Variants in DPYD observed in about 807,000 individuals in gnomAD.
DPYD encodes dihydropyrimidine dehydrogenase, also known as dihydropyrimidine dehydrogenase [NADP(+)].
DPYD carries 109 observed loss-of-function variants against 116.2 expected under a neutral mutation model. The observed-to-expected ratio is 0.94, with a 90% CI of 0.80 to 1.10. The LOEUF is 1.10. DPYD is among the 50% of genes least tolerant of loss of function. The pLI is 0.00. For synonymous variants in DPYD, 440 were observed against 432.0 expected, an observed-to-expected ratio of 1.02 and a Z score of -0.23; for missense variants, 1,302 against 1,254.5, an observed-to-expected ratio of 1.04 and a Z score of -0.57.
chr1:97,482,217 G>GT, intron 13 of DPYD, among the ~76,000 whole-genome samples: 1 of 152,160 alleles, frequency 6.6e-6, no homozygotes, highest in Non-Finnish European at 1.5e-5. Context: ...TATTTAATAT[G>GT]TGGATGTATC....
intron 3 of DPYD, among the ~76,000 whole-genome samples, chr1:97,814,948 A>AG (rs1668515342): frequency 6.6e-6 from 1 of 150,658 alleles, no homozygotes; most frequent in African/African-American, 2.4e-5. Flanking sequence ...AAAGAAAGAA[A>AG]GAAAGAAAGG....
intron 21 of DPYD, among the ~76,000 whole-genome samples, chr1:97,089,535 T>C (rs1372729010): frequency 6.6e-6 from 1 of 152,184 alleles, no homozygotes; most frequent in Non-Finnish European, 1.5e-5. Flanking sequence ...ATCTTTATAC[T>C]CATTGCAGGA....
intron 20 of DPYD, among the ~76,000 whole-genome samples, chr1:97,122,049 T>C (rs1233177906): frequency 2.6e-5 from 4 of 152,098 alleles, no homozygotes; most frequent in Non-Finnish European, 4.4e-5. Context: ...AGGATGGAAA[T>C]GTTTTCAGTA....
At chr1:97,274,352 A>T (rs11165827) in intron 18 of DPYD, among the ~76,000 whole-genome samples, 48,401 of 151,776 alleles carry the variant, frequency 0.32, 8,162 homozygotes, top group Non-Finnish European at 0.37. Flanking sequence ...TTCACACCTG[A>T]GCCGCTTGTT....
rs769306962 is a variant in DPYD, at chr1:97,573,886, C to T, written c.1213G>A (p.Ala405Thr). The change falls in exon 11 of 23, where the codon GCT (alanine) becomes ACT (threonine). Residue 405 changes from alanine to threonine, a missense_variant. By Grantham distance (58) the Ala-to-Thr change is moderately conservative (BLOSUM62 0). Transcript: ENST00000370192. ...TGCTCTGTCCGAACAAACTGCATAGCAACAATTCTCCCACCTTTTACTATA... is the reference window on the plus strand; with the variant it reads ...TGCTCTGTCCGAACAAACTGCATAGTAACAATTCTCCCACCTTTTACTATA... ...KVIVKGGRIV[A>T]MQFVRTEQDE... 3.1e-6 allele frequency: 5 copies of T among 1,613,588 alleles called. No homozygotes were observed. In the African/African-American group the frequency reaches 4.0e-5, roughly 13 times the overall value.
chr1:97,696,060 G>A (rs1661285597), intron 6 of DPYD, among the ~76,000 whole-genome samples: 1 of 151,658 alleles, frequency 6.6e-6, no homozygotes, highest in African/African-American at 2.4e-5. Context: ...AATCCCGGAG[G>A]TGGAGGTTGC....
At chr1:97,681,848 G>A (rs946908530) in intron 7 of DPYD, among the ~76,000 whole-genome samples, 23 of 152,120 alleles carry the variant, frequency 1.5e-4, no homozygotes, top group African/African-American at 5.1e-4. Context: ...AACTGAGTAA[G>A]TATGCCATTT....
intron 8 of DPYD, among the ~76,000 whole-genome samples, chr1:97,630,748 G>T (rs1657209999): frequency 6.6e-6 from 1 of 152,114 alleles, no homozygotes; most frequent in Non-Finnish European, 1.5e-5. Flanking sequence ...GGTAATAGTG[G>T]TGAGCAACTT....
At chr1:97,172,033 G>A (rs1046347268) in intron 20 of DPYD, among the ~76,000 whole-genome samples, 3 of 152,134 alleles carry the variant, frequency 2.0e-5, no homozygotes, top group Non-Finnish European at 4.4e-5. Flanking sequence ...GTATAAGGAC[G>A]CAAATGAGCA....
At chr1:97,833,735 A>G (rs766285136) in intron 2 of DPYD, among the ~76,000 whole-genome samples, 2 of 152,182 alleles carry the variant, frequency 1.3e-5, no homozygotes, top group Non-Finnish European at 2.9e-5. Context: ...AAGAGTATCC[A>G]TGAACCCCAA....
chr1:97,665,704 A>G (rs1283589118), intron 8 of DPYD, among the ~76,000 whole-genome samples: 1 of 152,196 alleles, frequency 6.6e-6, no homozygotes, highest in Non-Finnish European at 1.5e-5. Context: ...TTTATCAGTA[A>G]TACTTTTCCT....
chr1:97,648,266 G>A (rs1238252986), intron 8 of DPYD, among the ~76,000 whole-genome samples: 3 of 151,952 alleles, frequency 2.0e-5, no homozygotes. Flanking sequence ...ACCTTAGAAA[G>A]TATGACTATG....
At chr1:97,666,765 C>A (rs1336174023) in intron 8 of DPYD, among the ~76,000 whole-genome samples, 2 of 152,056 alleles carry the variant, frequency 1.3e-5, no homozygotes, top group African/African-American at 4.8e-5. Flanking sequence ...AGTTCTAGTA[C>A]AAAATAATCA....
At chr1:97,595,208 G>C in intron 8 of DPYD, 42 bp from the exon 9 acceptor site, 1 of 1,512,654 alleles carries the variant, frequency 6.6e-7, no homozygotes, top group Non-Finnish European at 9.2e-7. Flanking sequence ...CAGGAGGAGG[G>C]GCTTTTCCTA....
At chr1:97,169,652 A>G (rs1656583867) in intron 20 of DPYD, among the ~76,000 whole-genome samples, 1 of 151,680 alleles carries the variant, frequency 6.6e-6, no homozygotes, top group Admixed American at 6.6e-5. Context: ...TCCTCTTTTA[A>G]TAGACTCTAC....
At chr1:97,364,051 A>G (rs1670897433) in intron 16 of DPYD, among the ~76,000 whole-genome samples, 1 of 152,206 alleles carries the variant, frequency 6.6e-6, no homozygotes, top group Non-Finnish European at 1.5e-5. Context: ...ATCTATATCT[A>G]TATCTATATC....
At chr1:97,295,840 G>T (rs904224471) in intron 18 of DPYD, 1 of 773,292 alleles carries the variant, frequency 1.3e-6, no homozygotes, top group Non-Finnish European at 1.6e-6. Flanking sequence ...TGAAGATTAA[G>T]TGAAATATGT....
At chr1:97,236,148 CAG>C (rs1236182444) in intron 18 of DPYD, among the ~76,000 whole-genome samples, 1 of 152,094 alleles carries the variant, frequency 6.6e-6, no homozygotes, top group Admixed American at 6.6e-5. Context: ...CCTTATAAGT[CAG>C]GGGTCCTTTA....
At chr1:97,168,525 A>G (rs1012494346) in intron 20 of DPYD, among the ~76,000 whole-genome samples, 1 of 152,198 alleles carries the variant, frequency 6.6e-6, no homozygotes, top group African/African-American at 2.4e-5. Context: ...ATTGTTATCC[A>G]TTGCCTGGAA....
Sources: allele counts gnomAD v4.1 joint callset (sites outside exome capture counted in the v4.1 genomes callset), GRCh38; gene constraint gnomAD v4.1.1; transcripts MANE v1.5; gene names NCBI Gene and HGNC (gene_info 2026-07-23, HGNC 2026-07-21).